ACIN1: variants seen among roughly 807,000 people sequenced by gnomAD.
ACIN1 encodes the protein apoptotic chromatin condensation inducer 1.
In ACIN1, 16 loss-of-function variants were observed where a neutral mutation model predicts 146.6. The ratio of observed to expected loss-of-function variants is 0.11; its 90% CI spans 0.07 to 0.17. The LOEUF (loss-of-function observed/expected upper bound fraction) is 0.17. Among genes scored for constraint, ACIN1 ranks in the 10% least tolerant of loss-of-function variants. ACIN1 has a pLI of 1.00. For missense variants in ACIN1, 1,357 were observed against 1,609.3 expected (o/e 0.84, Z 2.68); for synonymous variants, 569 against 582.7 (o/e 0.98, Z 0.34).
At position 23,080,262 on chromosome 14, in the gene ACIN1, G is replaced by A; in HGVS notation, c.1073C>T (p.Pro358Leu). 6.2e-7 allele frequency: 1 copy of A among 1,614,186 alleles called. No individual in the cohort carries two copies. The highest frequency in any genetic ancestry group is 8.5e-7 in the Non-Finnish European group (1 of 1,180,024). Reference protein sequence around the residue: ...EQTASEEETPPPLLTKEASSP... With the variant: ...EQTASEEETPLPLLTKEASSP... ...AGATGCTTCCTTTGTTAGTAAAGGT[G>A]GAGGAGTCTCCTCCTCGCTGGCAGT... The change falls in exon 6 of 19, where the codon CCA (proline) becomes CTA (leucine). Residue 358 changes from proline to leucine, a missense_variant. Pro to Leu is a moderately conservative substitution (Grantham distance 98). This residue lies in a region of ACIN1 where 771 missense variants were observed against 746.6 expected (regional missense o/e 1.03). Transcript: ENST00000605057.
intron 1 of ACIN1, 23 bp from the exon 2 acceptor site, chr14:23,093,567 T>C: frequency 6.2e-7 from 1 of 1,603,980 alleles, no homozygotes; most frequent in Non-Finnish European, 8.5e-7. Context: ...AGGGTAAAAG[T>C]CAGAAATGAT....
At chr14:23,070,203 TGGGGGGTGCGGGGC>T (rs2047590896) in intron 8 of ACIN1, among the ~76,000 whole-genome samples, 1 of 1,472 alleles carries the variant, frequency 6.8e-4, no homozygotes, top group African/African-American at 2.3e-3. Flanking sequence ...TGGTGGGGGG[TGGGGGGTGCGGGGC>T]GGGGGGTGGG....
At chr14:23,069,805 T>C (rs1230516981) in intron 8 of ACIN1, among the ~76,000 whole-genome samples, 188 bp from the exon 9 acceptor site, 1 of 152,202 alleles carries the variant, frequency 6.6e-6, no homozygotes. Context: ...TAGATTTTCC[T>C]TGGGGAAAGA....
Position 23,058,803 on chromosome 14 carries a change from G to C in ACIN1, c.*345C>G. On this transcript the variant is annotated 3_prime_UTR_variant, in exon 19 of 19. Transcript: ENST00000605057. ...TGGCCCCGGCTGTTCCCAAGAGAAG[G>C]CTGTAAGTACCCAGGGAGGTGGTAA... The C allele has an allele frequency of 3.1e-6, 1 of 323,280 alleles. No homozygotes were observed. Among genetic ancestry groups the C allele is most frequent in the Non-Finnish European group, 5.8e-6 (1 of 173,060 alleles). The allele number at this position is 323,280 out of a possible 1,614,324, so 20.0% of individuals were successfully genotyped here. A position where few individuals can be genotyped will look rare whatever the true frequency, so the allele number is the denominator to read the frequency against.
rs1234911984 is a variant in ACIN1, at chr14:23,063,480, A to C, written c.2693T>G (p.Val898Gly). Residue 898 changes from valine (V) to glycine (G), a missense_variant, in exon 13 of 19, where the codon GTA becomes GGA. Coordinates refer to ENST00000605057, the MANE Select transcript of ACIN1 (RefSeq NM_001386863.1). ...TGCAGGTGGGGGCAAGGCCACCTCT[A>C]CTGACACCTGGGGAGGTACAGGAGG... The part of the protein sequence containing the change: ...AEPPVPPQVS[V>G]EVALPPPAEH... The C allele has an allele frequency of 6.2e-6, 10 of 1,614,118 alleles. No homozygotes were observed. The highest frequency in any genetic ancestry group is 8.5e-6 in the Non-Finnish European group (10 of 1,179,998).
Position 23,080,552 on chromosome 14 carries a change from C to T in ACIN1, c.783G>A (p.Met261Ile), listed in dbSNP as rs2140161525. Residue 261 changes from methionine to isoleucine, a missense_variant, in exon 6 of 19, where the codon ATG becomes ATA. Transcript: ENST00000605057. Reference sequence around the variant, plus strand: ...ATCTTGTTTTGGGTCTCTCATCCATCATCTCCTCTGGTTTTACTCTAGGTA... The same window carrying T: ...ATCTTGTTTTGGGTCTCTCATCCATTATCTCCTCTGGTTTTACTCTAGGTA... Reference protein sequence around the residue: ...EEIPRVKPEEMMDERPKTRSQ... With the variant: ...EEIPRVKPEEIMDERPKTRSQ... The T allele has an allele frequency of 6.2e-7, 1 of 1,614,082 alleles. No homozygotes were observed. Among genetic ancestry groups the T allele is most frequent in the Non-Finnish European group, 8.5e-7 (1 of 1,180,000 alleles).
intron 10 of ACIN1, among the ~76,000 whole-genome samples, chr14:23,065,378 G>A (rs1473930749): frequency 6.6e-6 from 1 of 152,212 alleles, no homozygotes; most frequent in East Asian, 1.9e-4. Flanking sequence ...ACAAGGTCAG[G>A]AGTTCAAGAC....
intron 4 of ACIN1, among the ~76,000 whole-genome samples, chr14:23,083,916 T>C (rs1185198916): frequency 6.6e-6 from 1 of 152,058 alleles, no homozygotes; most frequent in African/African-American, 2.4e-5. Flanking sequence ...ATAAAGCAGA[T>C]GGTATGCAGC....
chr14:23,094,952 C>A (rs759692395), intron 1 of ACIN1, 23 bp downstream of exon 1: 2 of 1,569,950 alleles, frequency 1.3e-6, no homozygotes, highest in Middle Eastern at 1.8e-4. Flanking sequence ...TCCTCCGACA[C>A]CCCAGCAACG....
At chr14:23,066,051 C>T (rs2047444029) in intron 9 of ACIN1, 43 bp from the exon 10 acceptor site, 4 of 1,572,084 alleles carry the variant, frequency 2.5e-6, no homozygotes, top group Non-Finnish European at 3.5e-6. Flanking sequence ...GAAAGAGAGA[C>T]ACCCCACAGA....
intron 9 of ACIN1, 198 bp downstream of exon 9, chr14:23,069,274 AAATG>A: frequency 8.0e-7 from 1 of 1,253,764 alleles, no homozygotes; most frequent in Non-Finnish European, 1.0e-6. Flanking sequence ...AAGGAAAGGA[AAATG>A]AATGAGCCCT....
upstream of ACIN1, chr14:23,095,350 C>G (rs775113045): frequency 2.5e-5 from 38 of 1,527,364 alleles, no homozygotes; most frequent in Non-Finnish European, 3.3e-5. Context: ...CTTTCAGGCT[C>G]GGTTTTCTTC....
intron 2 of ACIN1, among the ~76,000 whole-genome samples, chr14:23,092,095 C>T (rs1157443096): frequency 2.1e-5 from 3 of 140,860 alleles, no homozygotes; most frequent in Non-Finnish European, 4.7e-5. Context: ...ATGCCTTTTC[C>T]TATTTTTTTT....
At chr14:23,063,318 T>C (rs919319373) in intron 13 of ACIN1, 118 bp downstream of exon 13, 1 of 1,345,756 alleles carries the variant, frequency 7.4e-7, no homozygotes, top group Non-Finnish European at 1.0e-6. Flanking sequence ...GAGAAAGATA[T>C]GATATACGAA....
Position 23,059,419 on chromosome 14 carries a change from C to T in ACIN1, c.3581G>A (p.Arg1194Gln), listed in dbSNP as rs1366453720. The T allele has an allele frequency of 4.3e-6, 7 of 1,613,824 alleles. No individual in the cohort carries two copies. The highest frequency in any genetic ancestry group is 1.7e-5 in the Admixed American group (1 of 59,988). ...AERAKEREKR[R>Q]KEQEEEEQKE... ...TTGCTCTTCTTCTTCTTGCTCCTTT[C>T]GCCGCTTCTCCCGCTCCTTGGCCCG... Residue 1194 changes from arginine (R) to glutamine (Q), a missense_variant, in exon 19 of 19, where the codon CGA becomes CAA. Arg to Gln is a conservative substitution (Grantham distance 43). This residue lies in a region of ACIN1 where 509 missense variants were observed against 719.6 expected (regional missense o/e 0.71). Coordinates refer to ENST00000605057, the MANE Select transcript of ACIN1 (RefSeq NM_001386863.1).
intron 14 of ACIN1, 149 bp downstream of exon 14, chr14:23,062,780 G>A (rs948812223): frequency 9.4e-7 from 1 of 1,062,114 alleles, no homozygotes; most frequent in South Asian, 1.7e-5. Context: ...TTTTAGATGG[G>A]TAAATATGTT....
At chr14:23,071,067 A>C in intron 8 of ACIN1, 1 of 1,499,132 alleles carries the variant, frequency 6.7e-7, no homozygotes, top group Non-Finnish European at 9.1e-7. Context: ...AAGAGAAGGA[A>C]GACGAAGGGA....
rs1272908701 is a variant in ACIN1 at position 23,081,780 on chromosome 14, T to C, written c.493A>G (p.Lys165Glu). The C allele has an allele frequency of 3.7e-6, 6 of 1,613,122 alleles. No homozygotes were observed. Among genetic ancestry groups the C allele is most frequent in the Non-Finnish European group, 4.2e-6 (5 of 1,179,946 alleles). The change falls in exon 5 of 19, where the codon AAA becomes GAA. Residue 165 changes from lysine to glutamate, a missense_variant. By Grantham distance (56) the Lys-to-Glu change is moderately conservative (BLOSUM62 1). Coordinates refer to ENST00000605057, the MANE Select transcript of ACIN1 (RefSeq NM_001386863.1). ...ACCCTAGATGATCGTCTTTCTCCTT[T>C]CCTTGGTTTCTCATCATCAGAGTCA... ...KGDSDDEKPR[K>E]GERRSSRVRQ...
intron 10 of ACIN1, among the ~76,000 whole-genome samples, chr14:23,065,356 G>A (rs543996021): frequency 6.6e-6 from 1 of 152,352 alleles, no homozygotes; most frequent in South Asian, 2.1e-4. Context: ...GGGAGGCCAA[G>A]GCAGGCGGAT....
Sources: gnomAD v4.1 joint callset for allele counts (sites outside exome capture counted in the v4.1 genomes callset) on GRCh38, gnomAD v4.1.1 for gene constraint, gnomAD v4.1.1 regional missense constraint, MANE v1.5 for transcripts, NCBI Gene and HGNC (gene_info 2026-07-23, HGNC 2026-07-21) for gene names.